Variants in SLC35G1 observed in about 807,000 individuals in gnomAD.
SLC35G1 encodes the protein partner of STIM1.
In SLC35G1, 10 loss-of-function variants were observed where a neutral mutation model predicts 17.1. The ratio of observed to expected loss-of-function variants is 0.59; its 90% confidence interval spans 0.36 to 0.99. The LOEUF (loss-of-function observed/expected upper bound fraction) is 0.99. Among genes scored for constraint, SLC35G1 ranks in the 50% least tolerant of loss-of-function variants. The pLI, the probability that SLC35G1 is intolerant of heterozygous loss-of-function variation, is 0.01. For synonymous variants in SLC35G1, 185 were observed against 181.1 expected (o/e 1.02, Z -0.18); for missense variants, 433 against 468.4 (o/e 0.92, Z 0.70).
chr10:93,896,631 G>A (rs2060333181), intron 1 of SLC35G1, among the ~76,000 whole-genome samples: 1 of 152,210 alleles, frequency 6.6e-6, no homozygotes, highest in Admixed American at 6.5e-5. Flanking sequence ...ATCAAATGCA[G>A]CGAGGCCTTC....
Position 93,901,072 on chromosome 10 carries a change from C to T in SLC35G1, c.680C>T (p.Ala227Val), listed in dbSNP as rs1452791825. Residue 227 changes from alanine (A) to valine (V), a missense_variant, in exon 3 of 3, where the codon GCA (alanine) becomes GTA (valine). Transcript: ENST00000427197. Reference protein sequence around the residue: ...SYSGHLKGTFAAIGSAVFAAS... With the variant: ...SYSGHLKGTFVAIGSAVFAAS... ...TCAGGCCACCTTAAGGGAACATTCGCAGCAATTGGAAGTGCCGTATTTGCT... is the reference window on the plus strand; with the variant it reads ...TCAGGCCACCTTAAGGGAACATTCGTAGCAATTGGAAGTGCCGTATTTGCT... 1.2e-6 allele frequency: 2 copies of T among 1,614,104 alleles called. No individual in the cohort carries two copies. Among genetic ancestry groups the T allele is most frequent in the East Asian group, 2.2e-5 (1 of 44,882 alleles).
rs2060353689 is a variant in SLC35G1, at chr10:93,898,620, A to G, written c.228A>G (p.Leu76=). 1.9e-6 allele frequency: 3 copies of G among 1,613,326 alleles called. No homozygotes were observed. Among genetic ancestry groups the G allele is most frequent in the South Asian group, 2.2e-5 (2 of 91,024 alleles). ...CTGGACTTGGCTTGTTTTACACATT[A>G]TTGTCTGCCTTCCTTTTCTCAGTGG... is the stretch of plus-strand genomic sequence containing the variant. ...PCPGLGLFYT[L]LSAFLFSVGS... Residue 76 remains leucine (L), a synonymous_variant, in exon 2 of 3, where the codon TTA becomes TTG. Coordinates refer to ENST00000427197, the MANE Select transcript of SLC35G1 (RefSeq NM_001134658.3).
At position 93,903,416 on chromosome 10, in the gene SLC35G1, C is replaced by T. The variant is rs991904992; in HGVS notation, c.*1926C>T. 1 of 152,190 alleles carries T rather than the reference C, an allele frequency of 6.6e-6. No individual in the cohort carries two copies. The highest frequency in any genetic ancestry group is 1.5e-5 in the Non-Finnish European group (1 of 68,052). 9.4% of individuals were successfully genotyped at this position (152,190 alleles called of 1,614,324 possible). A position where few individuals can be genotyped will look rare whatever the true frequency, so the allele number is the denominator to read the frequency against. ...TGAATTTCCATGGCCTTCCTCCCTT[C>T]CTTAGTTCCATGATAAAGTATGGAC... On this transcript the variant is annotated 3_prime_UTR_variant, in exon 3 of 3. Transcript: ENST00000427197.
rs1441449014 is a variant in SLC35G1 at position 93,896,045 on chromosome 10, C to A, written c.178+1834C>A. ...TTACTCTGTCACCAAGGCTGTGGTGCATTGGCGTGATCACAGCTCACGGCG... is the reference window on the plus strand; with the variant it reads ...TTACTCTGTCACCAAGGCTGTGGTGAATTGGCGTGATCACAGCTCACGGCG... On this transcript the variant is annotated intron_variant, in intron 1 of 2. Coordinates refer to ENST00000427197, the MANE Select transcript of SLC35G1 (RefSeq NM_001134658.3). Among the ~76,000 whole-genome samples, 4 of 151,226 alleles carry A rather than the reference C, an allele frequency of 2.6e-5. 1 individual carries two copies. The highest frequency in any genetic ancestry group is 5.9e-5 in the Non-Finnish European group (4 of 67,918).
chr10:93,900,984 A>T lies in SLC35G1; in HGVS notation c.592A>T (p.Ile198Phe). 1 of 1,614,046 alleles carries T rather than the reference A, an allele frequency of 6.2e-7. No individual in the cohort carries two copies. The highest frequency in any genetic ancestry group is 1.1e-5 in the South Asian group (1 of 91,074). The change falls in exon 3 of 3, where the codon ATC (isoleucine) becomes TTC (phenylalanine). Residue 198 changes from isoleucine (I) to phenylalanine (F), a missense_variant. Transcript: ENST00000427197. ...LFTVFTITGV[I>F]LIVRPPFLFG... ...CACCGTGTTCACAATCACTGGAGTG[A>T]TCCTTATCGTGAGACCACCATTTTT...
In SLC35G1 at chr10:93,901,181, C is replaced by T. The variant is rs199750824; in HGVS notation, c.789C>T (p.Leu263=). Residue 263 remains leucine (L), a synonymous_variant, in exon 3 of 3, where the codon CTC becomes CTT. Transcript: ENST00000427197. ...LSIWYYVVLG[L]VESVIILSVL... ...TTTGGTATTATGTAGTACTTGGCCT[C>T]GTTGAAAGTGTCATCATCCTCTCTG... The T allele has an allele frequency of 3.5e-5, 56 of 1,614,072 alleles. No individual in the cohort carries two copies. In the Middle Eastern group the frequency reaches 1.2e-3, roughly 33 times the overall value.
chr10:93,898,813 G>A, intron 2 of SLC35G1, 62 bp downstream of exon 2: 3 of 1,462,756 alleles, frequency 2.1e-6, no homozygotes, highest in South Asian at 1.3e-5. Flanking sequence ...CTTTTCACCT[G>A]CCTATAATTA....
At chr10:93,898,303 G>C (rs1418604955) in intron 1 of SLC35G1, among the ~76,000 whole-genome samples, 3 of 152,176 alleles carry the variant, frequency 2.0e-5, no homozygotes, top group African/African-American at 7.2e-5. Context: ...TTCTTGACTT[G>C]TAAGTGAGGA....
chr10:93,905,120 T>C (rs2060420255), downstream of SLC35G1, among the ~76,000 whole-genome samples: 1 of 152,170 alleles, frequency 6.6e-6, no homozygotes, highest in Non-Finnish European at 1.5e-5. Context: ...GGCTCTGACC[T>C]GGGGAATGGG....
rs185975323 is a variant in SLC35G1, at chr10:93,899,346, G to T, written c.359+595G>T. 2.6e-4 allele frequency among the ~76,000 whole-genome samples: 39 copies of T among 152,180 alleles called. 1 individual carries two copies. In the East Asian group the frequency reaches 7.3e-3, roughly 29 times the overall value. On this transcript the variant is annotated intron_variant, in intron 2 of 2. Transcript: ENST00000427197. ...TAGGGTGGAGTGCCTTGTGTAGAGT[G>T]TAACAGTATATGAAAATTGTCTCTA...
chr10:93,901,551 A>G lies in SLC35G1; in HGVS notation c.*61A>G. 6.7e-7 allele frequency: 1 copy of G among 1,491,306 alleles called. No homozygotes were observed. The highest frequency in any genetic ancestry group is 8.9e-7 in the Non-Finnish European group (1 of 1,120,118). The allele number at this position is 1,491,306 out of a possible 1,614,324, so 92.4% of individuals were successfully genotyped here. A position where few individuals can be genotyped will look rare whatever the true frequency, so the allele number is the denominator to read the frequency against. On this transcript the variant is annotated 3_prime_UTR_variant, in exon 3 of 3. Transcript: ENST00000427197. ...CACCATCACCTAATTCACATACAGCATACGCACACATCTGGAAAATCTGCA... is the reference window on the plus strand; with the variant it reads ...CACCATCACCTAATTCACATACAGCGTACGCACACATCTGGAAAATCTGCA...
At position 93,900,906 on chromosome 10, in the gene SLC35G1, A is replaced by G. The variant is rs757151290; in HGVS notation, c.514A>G (p.Ile172Val). The change falls in exon 3 of 3, where the codon ATA (isoleucine) becomes GTA (valine). Residue 172 changes from isoleucine to valine, a missense_variant. By Grantham distance (29) the Ile-to-Val change is conservative (BLOSUM62 3). Coordinates refer to ENST00000427197, the MANE Select transcript of SLC35G1 (RefSeq NM_001134658.3). ...GTTTAGCAGTCCAGTGTTTACGTCC[A>G]TATTTGCTTGGATATGTCTCAAGGA... ...ITFSSPVFTS[I>V]FAWICLKEKY... is the part of the protein sequence containing the mutation. 4 of 1,613,940 alleles carry G rather than the reference A, an allele frequency of 2.5e-6. No individual in the cohort carries two copies. Among genetic ancestry groups the G allele is most frequent in the Admixed American group, 1.7e-5 (1 of 59,992 alleles).
downstream of SLC35G1, among the ~76,000 whole-genome samples, chr10:93,904,714 T>C (rs1160267645): frequency 2.0e-5 from 3 of 152,204 alleles, no homozygotes; most frequent in Non-Finnish European, 4.4e-5. Flanking sequence ...ACAAATCACC[T>C]AATGCACCTG....
In SLC35G1 at chr10:93,894,103, C is replaced by T. The variant is rs1372682619; in HGVS notation, c.70C>T (p.Pro24Ser). The T allele has an allele frequency of 8.7e-6, 13 of 1,489,104 alleles. No individual in the cohort carries two copies. Among genetic ancestry groups the T allele is most frequent in the Admixed American group, 2.2e-5 (1 of 44,898 alleles). The allele number at this position is 1,489,104 out of a possible 1,614,324, so 92.2% of individuals were successfully genotyped here. The change falls in exon 1 of 3, where the codon CCC becomes TCC. Residue 24 changes from proline to serine, a missense_variant. Physicochemically the swap from Pro to Ser is moderately conservative, Grantham distance 74. Coordinates refer to ENST00000427197, the MANE Select transcript of SLC35G1 (RefSeq NM_001134658.3). The part of the protein sequence containing the change: ...EPGLPLTDDA[P>S]PGATEEPAAA... ...CGGGCTGCCGCTAACGGACGATGCA[C>T]CCCCGGGCGCCACTGAGGAGCCGGC...
chr10:93,894,754 A>G lies in SLC35G1; in HGVS notation c.178+543A>G, dbSNP rs541169642. Among the ~76,000 whole-genome samples, 4 of 152,322 alleles carry G rather than the reference A, an allele frequency of 2.6e-5. No individual in the cohort carries two copies. The South Asian group carries it at 8.3e-4, about 32-fold the overall frequency. ...GGATACAAGGACTTTTTAGCAAACG[A>G]TGCAGAACAAGGCATATCTTGTTAA... is the stretch of plus-strand genomic sequence containing the variant. On this transcript the variant is annotated intron_variant, in intron 1 of 2. Transcript: ENST00000427197.
chr10:93,897,101 A>T (rs143431316), intron 1 of SLC35G1, among the ~76,000 whole-genome samples: 2 of 152,312 alleles, frequency 1.3e-5, no homozygotes, highest in East Asian at 3.9e-4. Flanking sequence ...AAGCACATGG[A>T]TACAGAACAG....
At chr10:93,905,083 C>T (rs1232478054), downstream of SLC35G1, among the ~76,000 whole-genome samples, 1 of 152,142 alleles carries the variant, frequency 6.6e-6, no homozygotes, top group Non-Finnish European at 1.5e-5. Context: ...CTGGCCCTAG[C>T]TCTGATCTTA....
Position 93,899,747 on chromosome 10 carries a change from A to C in SLC35G1, c.359+996A>C, listed in dbSNP as rs150397487. Among the ~76,000 whole-genome samples, 673 of 152,348 alleles carry C rather than the reference A, an allele frequency of 4.4e-3. 8 individuals are homozygous for C. The highest frequency in any genetic ancestry group is 0.015 in the African/African-American group (636 of 41,574). ...CGGACAAGTCACACTATTTTAAGAA[A>C]TGATGGTAGGGCTTTAGAAATTTCT... On this transcript the variant is annotated intron_variant, in intron 2 of 2. Transcript: ENST00000427197.
chr10:93,901,395 A>G lies in SLC35G1; in HGVS notation c.1003A>G (p.Asn335Asp). 2 of 1,614,102 alleles carry G rather than the reference A, an allele frequency of 1.2e-6. No homozygotes were observed. The highest frequency in any genetic ancestry group is 1.7e-6 in the Non-Finnish European group (2 of 1,179,968). ...AFIFQIIFFN[N>D]VPTWWTVGGA... ...TATCTTTCAGATTATTTTCTTTAAT[A>G]ATGTGCCAACGTGGTGGACAGTGGG... Residue 335 changes from asparagine to aspartate, a missense_variant, in exon 3 of 3, where the codon AAT becomes GAT. Asn to Asp is a conservative substitution (Grantham distance 23, BLOSUM62 1). Coordinates refer to ENST00000427197, the MANE Select transcript of SLC35G1 (RefSeq NM_001134658.3).
Sources: gnomAD v4.1 joint callset for allele counts (sites outside exome capture counted in the v4.1 genomes callset) on GRCh38, gnomAD v4.1.1 for gene constraint, MANE v1.5 for transcripts, NCBI Gene and HGNC (gene_info 2026-07-23, HGNC 2026-07-21) for gene names.